The following SLC16A9 variants were observed in gnomAD, a reference collection of about 807,000 sequenced individuals.
The protein encoded by SLC16A9 is monocarboxylate transporter 9.
In SLC16A9, 26 loss-of-function variants were observed where a neutral mutation model predicts 44.3. The ratio of observed to expected loss-of-function variants is 0.59; its 90% CI spans 0.43 to 0.81. The LOEUF (loss-of-function observed/expected upper bound fraction) is 0.81. Among genes scored for constraint, SLC16A9 ranks in the 40% least tolerant of loss-of-function variants. The pLI is 0.00. For missense variants in SLC16A9, 559 were observed against 595.8 expected (o/e 0.94, Z 0.64); for synonymous variants, 230 against 225.1 (o/e 1.02, Z -0.19).
chr10:59,696,149 G>C (rs1840366583), intron 1 of SLC16A9, among the ~76,000 whole-genome samples: 1 of 152,030 alleles, frequency 6.6e-6, no homozygotes, highest in South Asian at 2.1e-4. Context: ...TCCCTCTGAT[G>C]CCCAGCCGAA....
At chr10:59,700,255 C>T in intron 1 of SLC16A9, among the ~76,000 whole-genome samples, 1 of 152,182 alleles carries the variant, frequency 6.6e-6, no homozygotes, top group Admixed American at 6.5e-5. Context: ...CTACCACCCC[C>T]TTTCCAGATG....
Position 59,652,750 on chromosome 10 carries a change from A to G in SLC16A9, c.*22T>C. ...TTGCTATATGGTATAAAATAGCAAA[A>G]ATAGTGTCTTCCAATATTCTTCTAA... On this transcript the variant is annotated 3_prime_UTR_variant, in exon 6 of 6. Transcript: ENST00000395348. 1 of 1,587,556 alleles carries G rather than the reference A, an allele frequency of 6.3e-7. No homozygotes were observed. The highest frequency in any genetic ancestry group is 8.5e-7 in the Non-Finnish European group (1 of 1,169,648).
Position 59,652,449 on chromosome 10 carries a change from G to A in SLC16A9, c.*323C>T, listed in dbSNP as rs1212104390. Reference sequence around the variant, plus strand: ...CAGTGGATTAAATGGAGTCGGCAGAGAAATTATACTTCTTTACACAGAGAA... The same window carrying A: ...CAGTGGATTAAATGGAGTCGGCAGAAAAATTATACTTCTTTACACAGAGAA... On this transcript the variant is annotated 3_prime_UTR_variant, in exon 6 of 6. Transcript: ENST00000395348. 5.5e-6 allele frequency: 1 copy of A among 181,292 alleles called. No individual in the cohort carries two copies. The highest frequency in any genetic ancestry group is 6.0e-5 in the Admixed American group (1 of 16,626). 11.2% of individuals were successfully genotyped at this position (181,292 alleles called of 1,614,324 possible).
At chr10:59,690,758 A>T (rs1456039014) in intron 1 of SLC16A9, among the ~76,000 whole-genome samples, 2 of 152,074 alleles carry the variant, frequency 1.3e-5, no homozygotes, top group Non-Finnish European at 2.9e-5. Flanking sequence ...AGAATTAATC[A>T]TTTATATTAT....
chr10:59,665,804 C>G (rs12255151), intron 3 of SLC16A9, among the ~76,000 whole-genome samples: 4,470 of 151,956 alleles, frequency 0.029, 207 homozygotes, highest in African/African-American at 0.1. Context: ...GTTAAGCATT[C>G]AAGACATGAA....
At chr10:59,687,714 G>A (rs1272838845) in intron 1 of SLC16A9, among the ~76,000 whole-genome samples, 3 of 152,164 alleles carry the variant, frequency 2.0e-5, no homozygotes, top group African/African-American at 7.2e-5. Flanking sequence ...TGCCTGTAAT[G>A]CCAGAACTTC....
intron 1 of SLC16A9, among the ~76,000 whole-genome samples, chr10:59,708,267 C>T (rs1200029108): frequency 6.6e-6 from 1 of 152,118 alleles, no homozygotes; most frequent in Non-Finnish European, 1.5e-5. Context: ...GCATTTGGTC[C>T]AGGAAAGTGG....
At chr10:59,670,450 G>C (rs1024915306) in intron 3 of SLC16A9, among the ~76,000 whole-genome samples, 1 of 152,174 alleles carries the variant, frequency 6.6e-6, no homozygotes, top group Non-Finnish European at 1.5e-5. Context: ...TGAGAACACA[G>C]AAGTTACAAA....
At chr10:59,653,442 A>AAAAAAAAAAAAAAC (rs1291164502) in intron 5 of SLC16A9, among the ~76,000 whole-genome samples, 1 of 149,396 alleles carries the variant, frequency 6.7e-6, no homozygotes, top group Non-Finnish European at 1.5e-5. Context: ...AAAAAAAAAA[A>AAAAAAAAAAAAAAC]AAAGCAGGCA....
chr10:59,659,265 A>G (rs1252635868), intron 4 of SLC16A9, among the ~76,000 whole-genome samples: 1 of 152,166 alleles, frequency 6.6e-6, no homozygotes, highest in Non-Finnish European at 1.5e-5. Context: ...AGGTATTGAG[A>G]AACCAGTACT....
intron 1 of SLC16A9, among the ~76,000 whole-genome samples, chr10:59,687,921 C>A (rs567513239): frequency 6.6e-6 from 1 of 150,636 alleles, no homozygotes; most frequent in East Asian, 1.9e-4. Context: ...AATTGCACCA[C>A]TGCACTCCAG....
rs1839304882 is a variant in SLC16A9, at chr10:59,654,550, C to T, written c.476G>A (p.Arg159Lys). ...CAGTCCATAGAACTCAACCAGCATCCTCTGCAGAGCAGCATATATGAAAAG... is the reference window on the plus strand; with the variant it reads ...CAGTCCATAGAACTCAACCAGCATCTTCTGCAGAGCAGCATATATGAAAAG... ...VGLFIYAALQRMLVEFYGLDG... is the reference protein window; with the variant it reads ...VGLFIYAALQKMLVEFYGLDG... The change falls in exon 5 of 6, where the codon AGG becomes AAG. Residue 159 changes from arginine to lysine, a missense_variant. Transcript: ENST00000395348. The T allele has an allele frequency of 6.2e-7, 1 of 1,604,036 alleles. No homozygotes were observed. The highest frequency in any genetic ancestry group is 8.5e-7 in the Non-Finnish European group (1 of 1,179,112).
intron 3 of SLC16A9, among the ~76,000 whole-genome samples, chr10:59,667,040 G>T (rs1460247202): frequency 6.6e-6 from 1 of 152,052 alleles, no homozygotes; most frequent in South Asian, 2.1e-4. Context: ...GCATAACTCA[G>T]CAAATTGATA....
At chr10:59,653,245 C>T (rs934628095) in intron 5 of SLC16A9, among the ~76,000 whole-genome samples, 1 of 149,252 alleles carries the variant, frequency 6.7e-6, no homozygotes, top group Admixed American at 6.6e-5. Flanking sequence ...CGGTGAAACC[C>T]CGTCTCTACT....
chr10:59,707,253 G>A (rs1006960100), intron 1 of SLC16A9, among the ~76,000 whole-genome samples: 1 of 139,334 alleles, frequency 7.2e-6, no homozygotes, highest in African/African-American at 2.7e-5. Flanking sequence ...AAGAGGGGAG[G>A]GCAGAGGAGG....
chr10:59,685,969 A>C (rs117479303), intron 1 of SLC16A9, among the ~76,000 whole-genome samples: 5,555 of 64,192 alleles, frequency 0.087, 157 homozygotes, highest in Non-Finnish European at 0.09. Context: ...TTCAACTTGC[A>C]TTTCTTTCTT....
chr10:59,705,672 G>T (rs546719680), intron 1 of SLC16A9, among the ~76,000 whole-genome samples: 44 of 152,244 alleles, frequency 2.9e-4, no homozygotes, highest in African/African-American at 1.1e-3. Context: ...GTAAAACACT[G>T]TTGGATTTAG....
rs1479481180 is a variant in SLC16A9, at chr10:59,651,635, CA to C, written c.*1136del. The C allele has an allele frequency of 6.6e-6, 1 of 152,086 alleles. No homozygotes were observed. The highest frequency in any genetic ancestry group is 1.5e-5 in the Non-Finnish European group (1 of 68,010). The allele number at this position is 152,086 out of a possible 1,614,324, so 9.4% of individuals were successfully genotyped here. A position where few individuals can be genotyped will look rare whatever the true frequency, so the allele number is the denominator to read the frequency against. ...AAACCCATTTCTTTAGAAAAAAAAT[CA>C]ATGTATTAAACATTGGAGTTTATCC... On this transcript the variant is annotated 3_prime_UTR_variant, in exon 6 of 6. Transcript: ENST00000395348.
At chr10:59,686,698 A>G (rs1346039821) in intron 1 of SLC16A9, among the ~76,000 whole-genome samples, 1 of 152,204 alleles carries the variant, frequency 6.6e-6, no homozygotes, top group Non-Finnish European at 1.5e-5. Flanking sequence ...GGTATATACA[A>G]TGCACAATGC....
Sources: gnomAD v4.1 joint callset for allele counts (sites outside exome capture counted in the v4.1 genomes callset) on GRCh38, gnomAD v4.1.1 for gene constraint, MANE v1.5 for transcripts, NCBI Gene and HGNC (gene_info 2026-07-23, HGNC 2026-07-21) for gene names.